PAPOLA: variants seen among roughly 807,000 people sequenced by gnomAD.
PAPOLA encodes polynucleotide adenylyltransferase alpha.
Under a neutral mutation model 100.6 loss-of-function variants are expected in PAPOLA, and 15 were observed. The observed-to-expected ratio is 0.15, with a 90% CI of 0.10 to 0.23. PAPOLA has a LOEUF of 0.23. Among genes scored for constraint, PAPOLA ranks in the 10% least tolerant of loss-of-function variants. The probability of loss-of-function intolerance (pLI) is 1.00; values close to 1 mark genes in which losing one functional copy is unlikely to be tolerated. For missense variants in PAPOLA, 533 were observed against 884.2 expected, an observed-to-expected ratio of 0.60 and a Z score of 5.04; for synonymous variants, 293 against 300.0, an observed-to-expected ratio of 0.98 and a Z score of 0.24.
chr14:96,550,363 A>G (rs1265314496), intron 16 of PAPOLA, among the ~76,000 whole-genome samples: 1 of 152,154 alleles, frequency 6.6e-6, no homozygotes, highest in African/African-American at 2.4e-5. Flanking sequence ...TTCCATGACA[A>G]TATTGATATT....
rs2140347592 is a variant in PAPOLA at position 96,565,855 on chromosome 14, C to T, written c.*805C>T. The T allele has an allele frequency of 2.5e-6, 1 of 398,534 alleles. No individual in the cohort carries two copies. Among genetic ancestry groups the T allele is most frequent in the Non-Finnish European group, 4.4e-6 (1 of 225,784 alleles). The allele number at this position is 398,534 out of a possible 1,614,324, so 24.7% of individuals were successfully genotyped here. A position where few individuals can be genotyped will look rare whatever the true frequency, so the allele number is the denominator to read the frequency against. Reference sequence around the variant, plus strand: ...AACAAACAAAAAAAGCTTCTTGCGCCTTTCCCTCCCCTGTTTTCTTCCTTT... The same window carrying T: ...AACAAACAAAAAAAGCTTCTTGCGCTTTTCCCTCCCCTGTTTTCTTCCTTT... On this transcript the variant is annotated 3_prime_UTR_variant, in exon 22 of 22. Transcript: ENST00000216277.
At chr14:96,562,258 A>T (rs982565235) in intron 20 of PAPOLA, among the ~76,000 whole-genome samples, 3 of 152,084 alleles carry the variant, frequency 2.0e-5, no homozygotes, top group African/African-American at 7.2e-5. Context: ...TAAAAAGTTT[A>T]GAGTGATGGC....
At chr14:96,502,827 C>T (rs954279222) in intron 1 of PAPOLA, 35 of 452,254 alleles carry the variant, frequency 7.7e-5, no homozygotes, top group Admixed American at 4.2e-4. Flanking sequence ...GGGTCAGCTG[C>T]CGTCGGGCCG....
chr14:96,522,112 CTTT>C (rs1898033655), intron 3 of PAPOLA, among the ~76,000 whole-genome samples: 3 of 98,708 alleles, frequency 3.0e-5, no homozygotes, highest in Non-Finnish European at 3.8e-5. Context: ...CTCTTTCTTT[CTTT>C]CTTTTTTTTT....
rs1224167212 is a variant in PAPOLA, at chr14:96,566,757, G to T, written c.*1707G>T. 6.6e-6 allele frequency: 1 copy of T among 152,408 alleles called. No homozygotes were observed. The highest frequency in any genetic ancestry group is 1.5e-5 in the Non-Finnish European group (1 of 67,980). 9.4% of individuals were successfully genotyped at this position (152,408 alleles called of 1,614,324 possible). A position where few individuals can be genotyped will look rare whatever the true frequency, so the allele number is the denominator to read the frequency against. On this transcript the variant is annotated 3_prime_UTR_variant, in exon 22 of 22. Transcript: ENST00000216277. ...CATACTAACAGGTGAAATGTACAAG[G>T]TGTCTGTGTGTTTTGTGTAGCTTCA...
At chr14:96,510,586 T>C (rs1897047790) in intron 1 of PAPOLA, among the ~76,000 whole-genome samples, 1 of 152,256 alleles carries the variant, frequency 6.6e-6, no homozygotes. Context: ...TTTCTCTGCA[T>C]AAGCAACCTT....
chr14:96,532,309 T>C, intron 7 of PAPOLA, 22 bp from the exon 8 acceptor site: 1 of 1,590,424 alleles, frequency 6.3e-7, no homozygotes, highest in Non-Finnish European at 8.5e-7. Flanking sequence ...TGTGTGTGTT[T>C]TTTTTTACCC....
chr14:96,536,823 A>G (rs935770417), intron 11 of PAPOLA, 153 bp from the exon 12 acceptor site: 9 of 565,806 alleles, frequency 1.6e-5, no homozygotes, highest in Admixed American at 6.0e-5. Context: ...GTGTATATAT[A>G]TAAGAGTATG....
intron 19 of PAPOLA, among the ~76,000 whole-genome samples, chr14:96,559,622 TA>T (rs1302205737): frequency 6.7e-6 from 1 of 148,328 alleles, no homozygotes; most frequent in Non-Finnish European, 1.5e-5. Flanking sequence ...TATATGTATA[TA>T]TATATATGTG....
At chr14:96,519,919 C>A (rs1897800082) in intron 1 of PAPOLA, 136 bp from the exon 2 acceptor site, 2 of 643,240 alleles carry the variant, frequency 3.1e-6, no homozygotes, top group South Asian at 2.9e-5. Flanking sequence ...CACTTTTTGT[C>A]AAAAATTTTG....
intron 1 of PAPOLA, among the ~76,000 whole-genome samples, chr14:96,514,254 A>G (rs1382831348): frequency 4.0e-5 from 6 of 151,294 alleles, no homozygotes; most frequent in Non-Finnish European, 5.9e-5. Flanking sequence ...GCTCACTGCA[A>G]GTTCCACCTC....
chr14:96,554,903 AG>A (rs960202068), intron 17 of PAPOLA, among the ~76,000 whole-genome samples: 7 of 152,088 alleles, frequency 4.6e-5, no homozygotes, highest in Non-Finnish European at 1.0e-4. Flanking sequence ...TTATAGAAAT[AG>A]GTGTGTCTCT....
chr14:96,505,604 G>C (rs1369170546), intron 1 of PAPOLA, among the ~76,000 whole-genome samples: 1 of 152,120 alleles, frequency 6.6e-6, no homozygotes, highest in Non-Finnish European at 1.5e-5. Context: ...AAAAAAGAGG[G>C]AATTGTAGTA....
intron 16 of PAPOLA, among the ~76,000 whole-genome samples, chr14:96,550,033 A>G (rs963107500): frequency 2.0e-5 from 3 of 152,182 alleles, no homozygotes; most frequent in Admixed American, 2.0e-4. Context: ...TTATAGTCCT[A>G]GCTACTTGAG....
intron 19 of PAPOLA, among the ~76,000 whole-genome samples, chr14:96,559,000 C>T (rs888510384): frequency 2.0e-5 from 3 of 151,776 alleles, no homozygotes. Context: ...CCATCCCTCC[C>T]CCACTTTTCC....
intron 11 of PAPOLA, among the ~76,000 whole-genome samples, chr14:96,536,297 A>G (rs1899521931): frequency 2.6e-5 from 4 of 152,122 alleles, no homozygotes; most frequent in Admixed American, 2.0e-4. Context: ...ACACTGGTTG[A>G]AATGAGAGAT....
intron 16 of PAPOLA, 62 bp downstream of exon 16, chr14:96,547,980 CATT>C (rs1346758771): frequency 3.7e-6 from 5 of 1,352,954 alleles, no homozygotes; most frequent in African/African-American, 3.0e-5. Context: ...TCTGGACTAT[CATT>C]ATTTCAGAAT....
intron 6 of PAPOLA, among the ~76,000 whole-genome samples, chr14:96,528,634 T>C (rs1882561125): frequency 6.6e-6 from 1 of 152,240 alleles, no homozygotes; most frequent in South Asian, 2.1e-4. Context: ...GGCACAGTGA[T>C]GTGCACCTAT....
chr14:96,534,810 A>G (rs1218808510), intron 10 of PAPOLA: 3 of 1,257,444 alleles, frequency 2.4e-6, no homozygotes, highest in Non-Finnish European at 2.0e-6. Context: ...TAACATTTTA[A>G]TTTATTCTAT....
Sources: allele counts gnomAD v4.1 joint callset (sites outside exome capture counted in the v4.1 genomes callset), GRCh38; gene constraint gnomAD v4.1.1; transcripts MANE v1.5; gene names NCBI Gene and HGNC (gene_info 2026-07-23, HGNC 2026-07-21).